Variants in LRRIQ3 observed in about 807,000 individuals in gnomAD.
LRRIQ3 encodes the protein leucine rich repeats and IQ motif containing 3, also known as leucine-rich repeat and IQ domain-containing protein 3.
Under a neutral mutation model 59.3 loss-of-function variants are expected in LRRIQ3, and 75 were observed. That is an observed-to-expected ratio of 1.26 (90% CI 1.05 to 1.53). The LOEUF is 1.53. Ranked by LOEUF, LRRIQ3 falls within the 40% of genes most tolerant of loss-of-function variation. LRRIQ3 has a pLI of 0.00. For synonymous variants in LRRIQ3, 250 were observed against 231.3 expected, an observed-to-expected ratio of 1.08 and a Z score of -0.73; for missense variants, 831 against 710.0, an observed-to-expected ratio of 1.17 and a Z score of -1.94.
chr1:74,180,015 A>G (rs2100718690), intron 3 of LRRIQ3: 1 of 152,042 alleles, frequency 6.6e-6, no homozygotes, highest in Admixed American at 6.6e-5. Context: ...TAAATCTTTC[A>G]TAAATTCTAT....
At chr1:74,098,181 C>T (rs1028100235) in intron 5 of LRRIQ3, among the ~76,000 whole-genome samples, 1 of 152,044 alleles carries the variant, frequency 6.6e-6, no homozygotes, top group Non-Finnish European at 1.5e-5. Flanking sequence ...CAGAGACACA[C>T]ATAGGCTCAA....
At chr1:74,130,254 G>A (rs1301871505) in intron 4 of LRRIQ3, among the ~76,000 whole-genome samples, 3 of 152,076 alleles carry the variant, frequency 2.0e-5, no homozygotes, top group African/African-American at 7.2e-5. Context: ...GGGTAAGGTG[G>A]TGAGGCTTGT....
chr1:74,041,096 C>A, intron 7 of LRRIQ3, 117 bp downstream of exon 7: 1 of 818,630 alleles, frequency 1.2e-6, no homozygotes. Context: ...TTTAATTTTT[C>A]AAAGTAGAAT....
intron 7 of LRRIQ3, among the ~76,000 whole-genome samples, chr1:74,031,689 C>T (rs1002417473): frequency 1.3e-5 from 2 of 151,806 alleles, no homozygotes; most frequent in Admixed American, 1.3e-4. Context: ...TGCAGCACAC[C>T]AACATGGCAC....
intron 3 of LRRIQ3, among the ~76,000 whole-genome samples, chr1:74,177,476 CCTGA>C (rs903223201): frequency 3.3e-5 from 5 of 151,924 alleles, no homozygotes; most frequent in African/African-American, 1.2e-4. Context: ...TCTGGGGAAC[CCTGA>C]CTAATAAAGA....
At chr1:74,128,526 C>G (rs1296663926) in intron 4 of LRRIQ3, among the ~76,000 whole-genome samples, 2 of 152,008 alleles carry the variant, frequency 1.3e-5, no homozygotes, top group East Asian at 3.9e-4. Flanking sequence ...TCTTTGAGTT[C>G]CCTCAAGAAG....
intron 5 of LRRIQ3, among the ~76,000 whole-genome samples, chr1:74,100,996 T>C (rs1454214132): frequency 6.6e-6 from 1 of 152,138 alleles, no homozygotes; most frequent in Non-Finnish European, 1.5e-5. Flanking sequence ...GACATAGGCA[T>C]GGGCAAGGAC....
intron 5 of LRRIQ3, 111 bp from the exon 6 acceptor site, chr1:74,074,901 T>A: frequency 1.9e-6 from 1 of 538,104 alleles, no homozygotes; most frequent in Non-Finnish European, 2.9e-6. Flanking sequence ...ATTTAAAACA[T>A]GAAAACAAAA....
At chr1:74,050,303 A>G (rs1654334533) in intron 6 of LRRIQ3, among the ~76,000 whole-genome samples, 1 of 152,094 alleles carries the variant, frequency 6.6e-6, no homozygotes, top group Non-Finnish European at 1.5e-5. Context: ...CACAAACTGA[A>G]TTTTTTGACA....
chr1:74,070,664 A>G (rs1212698666), intron 6 of LRRIQ3, among the ~76,000 whole-genome samples: 1 of 151,850 alleles, frequency 6.6e-6, no homozygotes, highest in South Asian at 2.1e-4. Context: ...GTGTGTATAT[A>G]TGTGTGTGTG....
chr1:74,140,313 T>C (rs1415987022), intron 4 of LRRIQ3, among the ~76,000 whole-genome samples: 3 of 152,052 alleles, frequency 2.0e-5, no homozygotes, highest in Non-Finnish European at 4.4e-5. Context: ...TAAAGATTAC[T>C]AGATGAATTG....
chr1:74,180,658 C>T, intron 3 of LRRIQ3: 1 of 1,488,008 alleles, frequency 6.7e-7, no homozygotes, highest in South Asian at 1.2e-5. Context: ...AATCTCTGCA[C>T]TGTCTGTCAT....
intron 4 of LRRIQ3, among the ~76,000 whole-genome samples, chr1:74,145,807 T>C (rs1647533821): frequency 6.6e-6 from 1 of 152,112 alleles, no homozygotes; most frequent in Non-Finnish European, 1.5e-5. Context: ...CTCTATCATA[T>C]CTATGAAGTA....
At chr1:74,131,668 T>C (rs931904006) in intron 4 of LRRIQ3, among the ~76,000 whole-genome samples, 1 of 152,106 alleles carries the variant, frequency 6.6e-6, no homozygotes, top group African/African-American at 2.4e-5. Flanking sequence ...TTTGACAAAA[T>C]TCAACAACCC....
At chr1:74,167,297 C>T (rs1199492448) in intron 3 of LRRIQ3, among the ~76,000 whole-genome samples, 1 of 151,832 alleles carries the variant, frequency 6.6e-6, no homozygotes, top group East Asian at 1.9e-4. Context: ...GAAATAATGG[C>T]ATTTGCAGCA....
intron 5 of LRRIQ3, among the ~76,000 whole-genome samples, chr1:74,080,095 A>G (rs1327087243): frequency 6.6e-6 from 1 of 151,744 alleles, no homozygotes; most frequent in African/African-American, 2.4e-5. Context: ...ATAAACATAA[A>G]CATGTGGTAA....
intron 5 of LRRIQ3, among the ~76,000 whole-genome samples, chr1:74,084,379 C>G (rs1646305052): frequency 1.3e-5 from 2 of 151,732 alleles, no homozygotes; most frequent in African/African-American, 4.8e-5. Context: ...AATCTTGGCT[C>G]TCCAAATGAT....
chr1:74,183,359 T>C (rs1346204027), intron 2 of LRRIQ3, 77 bp downstream of exon 2: 2 of 1,243,002 alleles, frequency 1.6e-6, no homozygotes, highest in Admixed American at 5.2e-5. Flanking sequence ...AGAAATACTG[T>C]GGATAGGTAA....
chr1:74,072,935 A>G (rs1655067535), intron 6 of LRRIQ3, among the ~76,000 whole-genome samples: 1 of 152,208 alleles, frequency 6.6e-6, no homozygotes, highest in Non-Finnish European at 1.5e-5. Flanking sequence ...CAAAATATTG[A>G]TAACACTAAA....
Sources: gnomAD v4.1 joint callset for allele counts (sites outside exome capture counted in the v4.1 genomes callset) on GRCh38, gnomAD v4.1.1 for gene constraint, MANE v1.5 for transcripts, NCBI Gene and HGNC (gene_info 2026-07-23, HGNC 2026-07-21) for gene names.